KPNA3: variants seen among roughly 807,000 people sequenced by gnomAD.
KPNA3 encodes importin subunit alpha-4.
Under a neutral mutation model 73.8 loss-of-function variants are expected in KPNA3, and 13 were observed. The observed-to-expected ratio is 0.18, with a 90% CI of 0.11 to 0.28. The LOEUF (loss-of-function observed/expected upper bound fraction) is 0.28. KPNA3 is among the 10% of genes least tolerant of loss of function. The pLI is 1.00. For synonymous variants in KPNA3, 186 were observed against 206.9 expected (o/e 0.90, Z 0.87); for missense variants, 360 against 618.1 (o/e 0.58, Z 4.43).
intron 10 of KPNA3, among the ~76,000 whole-genome samples, chr13:49,718,537 G>C (rs149857101): frequency 2.9e-3 from 446 of 152,210 alleles, no homozygotes; most frequent in African/African-American, 0.01. Context: ...CAGATATTTT[G>C]CTTATTCCCC....
At chr13:49,779,085 C>T (rs1001568296) in intron 1 of KPNA3, among the ~76,000 whole-genome samples, 1 of 148,136 alleles carries the variant, frequency 6.8e-6, no homozygotes, top group African/African-American at 2.6e-5. Context: ...TTCCAACGTT[C>T]CTGCTAGTTC....
intron 2 of KPNA3, among the ~76,000 whole-genome samples, chr13:49,736,896 A>C (rs1376485962): frequency 6.6e-6 from 1 of 152,132 alleles, no homozygotes; most frequent in Non-Finnish European, 1.5e-5. Flanking sequence ...AAATTTTATC[A>C]TTTCAAAAAT....
intron 1 of KPNA3, among the ~76,000 whole-genome samples, chr13:49,782,356 A>G (rs1308616282): frequency 1.3e-5 from 2 of 152,168 alleles, no homozygotes; most frequent in Non-Finnish European, 2.9e-5. Flanking sequence ...ACCTACCTCA[A>G]GTATGACCTT....
chr13:49,713,544 G>T (rs1954279251), intron 10 of KPNA3, among the ~76,000 whole-genome samples: 1 of 147,458 alleles, frequency 6.8e-6, no homozygotes, highest in Non-Finnish European at 1.5e-5. Flanking sequence ...CTATCACAAG[G>T]CAAAAAACTT....
At chr13:49,762,914 C>G (rs1954780005) in intron 1 of KPNA3, among the ~76,000 whole-genome samples, 1 of 63,126 alleles carries the variant, frequency 1.6e-5, no homozygotes, top group Non-Finnish European at 3.0e-5. Context: ...TACACCAAGG[C>G]TGGCTTAAAA....
In KPNA3 at chr13:49,705,848, T is replaced by C. The variant is rs982815184; in HGVS notation, c.1210-65A>G. On this transcript the variant is annotated intron_variant, in intron 14 of 16. Transcript: ENST00000261667. ...TTATCTATTTCCCAGTAGGGTGTCGTGCTACATGGAAGGCTGAGGCAGGAG... is the reference window on the plus strand; with the variant it reads ...TTATCTATTTCCCAGTAGGGTGTCGCGCTACATGGAAGGCTGAGGCAGGAG... 2.2e-6 allele frequency: 3 copies of C among 1,375,580 alleles called. No homozygotes were observed. The East Asian group carries it at 7.6e-5, about 35-fold the overall frequency. The allele number at this position is 1,375,580 out of a possible 1,614,324, so 85.2% of individuals were successfully genotyped here. A position where few individuals can be genotyped will look rare whatever the true frequency, so the allele number is the denominator to read the frequency against.
chr13:49,735,640 T>C (rs1303351153), intron 2 of KPNA3, among the ~76,000 whole-genome samples: 1 of 152,186 alleles, frequency 6.6e-6, no homozygotes, highest in African/African-American at 2.4e-5. Flanking sequence ...TCAGGGGTTA[T>C]GGGAACTTAC....
intron 1 of KPNA3, among the ~76,000 whole-genome samples, chr13:49,748,390 T>A (rs1374796571): frequency 6.6e-6 from 1 of 152,186 alleles, no homozygotes; most frequent in Admixed American, 6.5e-5. Flanking sequence ...ATCTCCCCTC[T>A]AACATACTGA....
intron 10 of KPNA3, among the ~76,000 whole-genome samples, chr13:49,714,544 T>G (rs1306568145): frequency 6.6e-6 from 1 of 151,848 alleles, no homozygotes; most frequent in Non-Finnish European, 1.5e-5. Context: ...ATATCAAAAA[T>G]AAAGAAAATT....
chr13:49,780,191 C>CTGATTTCATAAA (rs1353470753), intron 1 of KPNA3, among the ~76,000 whole-genome samples: 1 of 152,110 alleles, frequency 6.6e-6, no homozygotes, highest in Non-Finnish European at 1.5e-5. Flanking sequence ...AGACCCCCAA[C>CTGATTTCATAAA]TGATTTCATA....
chr13:49,749,820 T>A lies in KPNA3; in HGVS notation c.70-2827A>T, dbSNP rs1034240214. Among the ~76,000 whole-genome samples the A allele has an allele frequency of 4.0e-4, 61 of 152,212 alleles. 1 individual carries two copies. The highest frequency in any genetic ancestry group is 4.0e-3 in the Admixed American group (61 of 15,278). On this transcript the variant is annotated intron_variant, in intron 1 of 16. Transcript: ENST00000261667. Reference sequence around the variant, plus strand: ...TATTCACCCGAAAGAATCATATAAATGTAAATGGCCAAACTCACTTAGGTC... The same window carrying A: ...TATTCACCCGAAAGAATCATATAAAAGTAAATGGCCAAACTCACTTAGGTC...
At chr13:49,774,579 C>A (rs1204750459) in intron 1 of KPNA3, among the ~76,000 whole-genome samples, 1 of 152,158 alleles carries the variant, frequency 6.6e-6, no homozygotes, top group Non-Finnish European at 1.5e-5. Flanking sequence ...GCTGTAAACA[C>A]TATACAGTTC....
intron 1 of KPNA3, among the ~76,000 whole-genome samples, chr13:49,750,465 A>AT (rs1186368747): frequency 1.3e-5 from 2 of 151,728 alleles, no homozygotes; most frequent in Admixed American, 6.6e-5. Flanking sequence ...CTGATTTTTC[A>AT]TTTTTTGTAG....
At chr13:49,726,767 A>G (rs1037218685) in intron 6 of KPNA3, among the ~76,000 whole-genome samples, 3 of 150,942 alleles carry the variant, frequency 2.0e-5, no homozygotes, top group Non-Finnish European at 4.4e-5. Flanking sequence ...ACACGGTGAG[A>G]CCCCATTTTT....
At chr13:49,758,783 C>A (rs1954734032) in intron 1 of KPNA3, among the ~76,000 whole-genome samples, 1 of 152,046 alleles carries the variant, frequency 6.6e-6, no homozygotes, top group Non-Finnish European at 1.5e-5. Context: ...TATACATACA[C>A]ACACACACAA....
chr13:49,739,986 C>T (rs558128573), intron 2 of KPNA3, among the ~76,000 whole-genome samples: 98 of 152,174 alleles, frequency 6.4e-4, no homozygotes, highest in Non-Finnish European at 1.2e-3. Flanking sequence ...TGCAGTGGCT[C>T]ATGCCTGTAA....
chr13:49,717,182 A>G (rs1477160467), intron 10 of KPNA3, among the ~76,000 whole-genome samples: 1 of 152,200 alleles, frequency 6.6e-6, no homozygotes, highest in Non-Finnish European at 1.5e-5. Flanking sequence ...TGTATAAAAC[A>G]AATATCATTT....
At chr13:49,753,440 C>T (rs951151573) in intron 1 of KPNA3, among the ~76,000 whole-genome samples, 2 of 152,208 alleles carry the variant, frequency 1.3e-5, no homozygotes, top group Admixed American at 1.3e-4. Context: ...TCAAGGACTA[C>T]TGTTTATATG....
chr13:49,730,243 G>A lies in KPNA3; in HGVS notation c.383+2128C>T, dbSNP rs185980670. Among the ~76,000 whole-genome samples, 125 of 152,194 alleles carry A rather than the reference G, an allele frequency of 8.2e-4. 1 individual carries two copies. Among genetic ancestry groups the A allele is most frequent in the Admixed American group, 4.2e-3 (64 of 15,288 alleles). The stretch of plus-strand genomic sequence containing the variant: ...AGAAGAGAAGTTGGCCACAAACAAG[G>A]GGCCCTAGGCCGGGCCCAGTGGCTC... On this transcript the variant is annotated intron_variant, in intron 6 of 16. Transcript: ENST00000261667.
Sources: allele counts gnomAD v4.1 joint callset (sites outside exome capture counted in the v4.1 genomes callset), GRCh38; gene constraint gnomAD v4.1.1; transcripts MANE v1.5; gene names NCBI Gene and HGNC (gene_info 2026-07-23, HGNC 2026-07-21).